Variants in LYN observed in about 807,000 individuals in gnomAD.
LYN encodes the protein tyrosine-protein kinase Lyn.
In LYN, 12 loss-of-function variants were observed where a neutral mutation model predicts 65.0. The observed-to-expected ratio is 0.18, with a 90% CI of 0.12 to 0.30. The LOEUF (loss-of-function observed/expected upper bound fraction) is 0.30, where lower values mean the gene tolerates loss of function less well. Ranked by LOEUF, LYN falls within the 10% of genes least tolerant of loss-of-function variation. LYN has a pLI of 1.00. For synonymous variants in LYN, 222 were observed against 221.2 expected (o/e 1.00, Z -0.03); for missense variants, 380 against 623.2 (o/e 0.61, Z 4.16).
chr8:55,880,310 G>C (rs920678853), intron 1 of LYN, among the ~76,000 whole-genome samples: 1 of 151,968 alleles, frequency 6.6e-6, no homozygotes, highest in Non-Finnish European at 1.5e-5. Context: ...CGGGTGACCG[G>C]GCCCGGGGGA....
chr8:55,912,153 A>G (rs1805656054), intron 1 of LYN, among the ~76,000 whole-genome samples: 1 of 152,210 alleles, frequency 6.6e-6, no homozygotes, highest in Admixed American at 6.5e-5. Flanking sequence ...AAAAGAAATG[A>G]TGGTAAAAAT....
intron 1 of LYN, among the ~76,000 whole-genome samples, chr8:55,919,415 A>T (rs1805880224): frequency 6.6e-6 from 1 of 152,216 alleles, no homozygotes; most frequent in Non-Finnish European, 1.5e-5. Flanking sequence ...AGTGCTTTTC[A>T]TAGAAATAAT....
At chr8:55,885,890 G>A (rs926628424) in intron 1 of LYN, among the ~76,000 whole-genome samples, 3 of 140,930 alleles carry the variant, frequency 2.1e-5, no homozygotes, top group African/African-American at 7.8e-5. Context: ...CCAATGCTGC[G>A]TTTTCCTCGG....
At chr8:55,929,357 A>G (rs1441286255) in intron 1 of LYN, among the ~76,000 whole-genome samples, 1 of 152,222 alleles carries the variant, frequency 6.6e-6, no homozygotes, top group Admixed American at 6.5e-5. Context: ...TGCTTTTCTC[A>G]TAGAAAATCT....
chr8:55,982,496 C>A (rs1807955949), intron 10 of LYN, among the ~76,000 whole-genome samples: 1 of 152,138 alleles, frequency 6.6e-6, no homozygotes, highest in Admixed American at 6.5e-5. Flanking sequence ...AGCTGTACGG[C>A]TTGATCTTCT....
At chr8:55,880,184 G>A (rs1804609504) in intron 1 of LYN, 81 bp downstream of exon 1, 1 of 168,192 alleles carries the variant, frequency 5.9e-6, no homozygotes, top group Non-Finnish European at 1.3e-5. Context: ...CCACCAGCCG[G>A]AGTCCCGGGC....
chr8:55,981,976 A>T (rs1286996502), intron 10 of LYN, among the ~76,000 whole-genome samples: 2 of 152,184 alleles, frequency 1.3e-5, no homozygotes, highest in Non-Finnish European at 1.5e-5. Flanking sequence ...AAAACCCCAC[A>T]ACTGAACAGG....
chr8:55,929,791 A>T (rs961819597), intron 1 of LYN, among the ~76,000 whole-genome samples: 5 of 152,208 alleles, frequency 3.3e-5, no homozygotes, highest in Non-Finnish European at 7.3e-5. Flanking sequence ...AGTAGTGCTG[A>T]GGTTGACAAA....
chr8:55,966,631 G>A (rs1807467336), intron 8 of LYN, 84 bp from the exon 9 acceptor site: 1 of 1,253,944 alleles, frequency 8.0e-7, no homozygotes, highest in East Asian at 2.4e-5. Context: ...ACCTCCCAAA[G>A]TGCTGGGATT....
rs540320399 is a variant in LYN, at chr8:55,975,602, G to A, written c.1050+5809G>A. ...CACTTTAATGCAGTACTTACATGTTGGGCACTTAAATGCTCTATTTATCTT... is the reference window on the plus strand; with the variant it reads ...CACTTTAATGCAGTACTTACATGTTAGGCACTTAAATGCTCTATTTATCTT... On this transcript the variant is annotated intron_variant, in intron 10 of 12. Coordinates refer to ENST00000519728, the MANE Select transcript of LYN (RefSeq NM_002350.4). 4.6e-5 allele frequency among the ~76,000 whole-genome samples: 7 copies of A among 152,230 alleles called. 1 individual carries two copies. Among genetic ancestry groups the A allele is most frequent in the African/African-American group, 1.7e-4 (7 of 41,550 alleles).
At chr8:55,890,254 G>A (rs1241927918) in intron 1 of LYN, among the ~76,000 whole-genome samples, 1 of 152,070 alleles carries the variant, frequency 6.6e-6, no homozygotes. Context: ...TGAGGCTGCA[G>A]TGAGCAATGA....
chr8:56,000,670 G>A (rs1447585187), intron 12 of LYN, among the ~76,000 whole-genome samples: 2 of 139,664 alleles, frequency 1.4e-5, no homozygotes, highest in African/African-American at 5.4e-5. Flanking sequence ...ACAGGTTGCA[G>A]TGAGCCGAGA....
At chr8:55,968,758 C>T (rs1250813265) in intron 9 of LYN, among the ~76,000 whole-genome samples, 1 of 152,174 alleles carries the variant, frequency 6.6e-6, no homozygotes, top group African/African-American at 2.4e-5. Flanking sequence ...ACCTTTGATT[C>T]CAACCCCCCA....
At chr8:55,914,256 T>C (rs562984964) in intron 1 of LYN, among the ~76,000 whole-genome samples, 46 of 151,628 alleles carry the variant, frequency 3.0e-4, no homozygotes, top group African/African-American at 1.1e-3. Flanking sequence ...GGAGAAGAGA[T>C]TGAGGACTCA....
intron 3 of LYN, among the ~76,000 whole-genome samples, chr8:55,947,034 G>C (rs539316708): frequency 6.6e-6 from 1 of 152,200 alleles, no homozygotes; most frequent in Non-Finnish European, 1.5e-5. Context: ...GATCACCTGT[G>C]GTCAGGAGTT....
intron 10 of LYN, among the ~76,000 whole-genome samples, chr8:55,970,166 G>T (rs1018285496): frequency 6.6e-6 from 1 of 152,174 alleles, no homozygotes; most frequent in Non-Finnish European, 1.5e-5. Context: ...TTTAAGTTAC[G>T]AATCGAATGT....
chr8:56,002,279 C>T (rs1010940573), intron 12 of LYN, among the ~76,000 whole-genome samples: 2 of 152,022 alleles, frequency 1.3e-5, no homozygotes, highest in African/African-American at 2.4e-5. Flanking sequence ...ATTAGCCAGG[C>T]GTGGTGGCAG....
chr8:56,012,441 C>G lies in LYN; in HGVS notation c.*2331C>G. The G allele has an allele frequency of 5.7e-6, 1 of 174,636 alleles. No individual in the cohort carries two copies. Among genetic ancestry groups the G allele is most frequent in the Non-Finnish European group, 1.2e-5 (1 of 80,862 alleles). 10.8% of individuals were successfully genotyped at this position (174,636 alleles called of 1,614,324 possible). A position where few individuals can be genotyped will look rare whatever the true frequency, so the allele number is the denominator to read the frequency against. ...AGTCTATTTTAAAAGCTTCTCCAGT[C>G]AGCTAGACACAGTGGCTCATGCCTG... On this transcript the variant is annotated 3_prime_UTR_variant, in exon 13 of 13. Coordinates refer to ENST00000519728, the MANE Select transcript of LYN (RefSeq NM_002350.4).
chr8:55,987,316 A>G (rs1808101635), intron 10 of LYN, among the ~76,000 whole-genome samples: 1 of 151,972 alleles, frequency 6.6e-6, no homozygotes, highest in Non-Finnish European at 1.5e-5. Flanking sequence ...GCTGAGGCAC[A>G]AGAATTGCTC....
Sources: allele counts gnomAD v4.1 joint callset (sites outside exome capture counted in the v4.1 genomes callset), GRCh38; gene constraint gnomAD v4.1.1; transcripts MANE v1.5; gene names NCBI Gene and HGNC (gene_info 2026-07-23, HGNC 2026-07-21).